CTNNA2: variants seen among roughly 807,000 people sequenced by gnomAD.
The protein encoded by CTNNA2 is catenin alpha 2.
In CTNNA2, 42 loss-of-function variants were observed where a neutral mutation model predicts 101.0. That is an observed-to-expected ratio of 0.42 (90% CI 0.32 to 0.54). CTNNA2 has a LOEUF of 0.54. Ranked by LOEUF, CTNNA2 falls within the 20% of genes least tolerant of loss-of-function variation. The pLI is 0.14. For missense variants in CTNNA2, 871 were observed against 1,223.1 expected, an observed-to-expected ratio of 0.71 and a Z score of 4.29; for synonymous variants, 450 against 456.4, an observed-to-expected ratio of 0.99 and a Z score of 0.18.
intron 3 of CTNNA2, among the ~76,000 whole-genome samples, chr2:79,335,956 A>G (rs1269512273): frequency 2.0e-5 from 3 of 152,224 alleles, no homozygotes; most frequent in Admixed American, 6.5e-5. Flanking sequence ...GACATTAAAC[A>G]ATGAACGAGA....
At chr2:80,241,574 C>T (rs2149091616) in intron 7 of CTNNA2, among the ~76,000 whole-genome samples, 1 of 143,678 alleles carries the variant, frequency 7.0e-6, no homozygotes, top group Non-Finnish European at 1.5e-5. Flanking sequence ...ATCTATCTAT[C>T]AATGCATCTA....
intron 3 of CTNNA2, among the ~76,000 whole-genome samples, chr2:79,367,879 G>T (rs1677784109): frequency 6.6e-6 from 1 of 152,090 alleles, no homozygotes; most frequent in Non-Finnish European, 1.5e-5. Flanking sequence ...ATTATAATCT[G>T]CAGTCTATAG....
At chr2:79,652,544 A>C (rs1257242099) in intron 2 of CTNNA2, among the ~76,000 whole-genome samples, 2 of 152,068 alleles carry the variant, frequency 1.3e-5, no homozygotes, top group East Asian at 3.9e-4. Context: ...TTGTCCTTGC[A>C]TCCCATCTCT....
intron 7 of CTNNA2, among the ~76,000 whole-genome samples, chr2:80,140,196 A>G (rs1269378907): frequency 6.6e-6 from 1 of 152,224 alleles, no homozygotes; most frequent in African/African-American, 2.4e-5. Flanking sequence ...TGTTAAAAGT[A>G]CCCAATTTGA....
intron 7 of CTNNA2, among the ~76,000 whole-genome samples, chr2:80,249,783 T>C (rs1671610519): frequency 6.6e-6 from 1 of 152,218 alleles, no homozygotes; most frequent in South Asian, 2.1e-4. Context: ...TAGCCTGCTT[T>C]ATTTCACTAA....
chr2:79,539,637 A>G (rs965251032), intron 1 of CTNNA2, among the ~76,000 whole-genome samples: 3 of 151,946 alleles, frequency 2.0e-5, no homozygotes, highest in Admixed American at 2.0e-4. Context: ...TGCTACTTTT[A>G]CCCCCAGCTG....
At chr2:79,430,192 T>C (rs975067414) in intron 4 of CTNNA2, among the ~76,000 whole-genome samples, 1 of 152,090 alleles carries the variant, frequency 6.6e-6, no homozygotes, top group Non-Finnish European at 1.5e-5. Flanking sequence ...TGAGTGATGA[T>C]CATTTGAACT....
intron 2 of CTNNA2, among the ~76,000 whole-genome samples, chr2:79,706,090 T>C (rs1239579330): frequency 6.6e-6 from 1 of 151,914 alleles, no homozygotes. Flanking sequence ...GTGGGCCAGG[T>C]GCGGTGGCTT....
At chr2:80,465,339 C>T (rs1050527825) in intron 9 of CTNNA2, among the ~76,000 whole-genome samples, 1 of 152,116 alleles carries the variant, frequency 6.6e-6, no homozygotes, top group Non-Finnish European at 1.5e-5. Flanking sequence ...ATATTTATTC[C>T]ATTGTCCAAG....
At chr2:79,836,712 A>C (rs1485557637) in intron 3 of CTNNA2, among the ~76,000 whole-genome samples, 1 of 151,232 alleles carries the variant, frequency 6.6e-6, no homozygotes, top group Admixed American at 6.6e-5. Context: ...TTCATCTCTG[A>C]CTCTGTTGTC....
intron 6 of CTNNA2, among the ~76,000 whole-genome samples, chr2:79,907,987 A>G (rs1415751963): frequency 6.6e-6 from 1 of 152,218 alleles, no homozygotes; most frequent in Non-Finnish European, 1.5e-5. Context: ...AACAGGAATC[A>G]GAGAATTGGA....
intron 1 of CTNNA2, among the ~76,000 whole-genome samples, chr2:79,533,440 G>C (rs1037143601): frequency 1.3e-5 from 2 of 152,032 alleles, no homozygotes; most frequent in Non-Finnish European, 2.9e-5. Flanking sequence ...GTTTTGGTAT[G>C]TTTGGAAATA....
chr2:79,503,497 C>T (rs982133936), intron 4 of CTNNA2, among the ~76,000 whole-genome samples: 2 of 152,118 alleles, frequency 1.3e-5, no homozygotes, highest in African/African-American at 2.4e-5. Context: ...ACACAATTCC[C>T]TGATCTTACT....
chr2:79,262,035 T>C (rs1370817017), intron 2 of CTNNA2, among the ~76,000 whole-genome samples: 1 of 152,204 alleles, frequency 6.6e-6, no homozygotes, highest in Non-Finnish European at 1.5e-5. Context: ...GGTCTGGGCA[T>C]ATTAATTCTT....
At chr2:80,340,056 G>A (rs1672095396) in intron 7 of CTNNA2, among the ~76,000 whole-genome samples, 2 of 152,180 alleles carry the variant, frequency 1.3e-5, no homozygotes, top group Non-Finnish European at 2.9e-5. Flanking sequence ...AGTAATTGCA[G>A]AGAAAATAAA....
chr2:80,190,513 G>A (rs756418452), intron 7 of CTNNA2, among the ~76,000 whole-genome samples: 10 of 152,132 alleles, frequency 6.6e-5, no homozygotes, highest in East Asian at 3.9e-4. Context: ...AGGATGGGCC[G>A]GGGGTTCAGA....
At chr2:79,794,686 T>G (rs1675559125) in intron 3 of CTNNA2, among the ~76,000 whole-genome samples, 1 of 152,226 alleles carries the variant, frequency 6.6e-6, no homozygotes, top group South Asian at 2.1e-4. Flanking sequence ...TTACTTATCT[T>G]GAATAACTGA....
At chr2:80,215,963 A>G (rs111655980) in intron 7 of CTNNA2, among the ~76,000 whole-genome samples, 4,467 of 152,256 alleles carry the variant, frequency 0.029, 232 homozygotes, top group African/African-American at 0.1. Flanking sequence ...CAGCAATGGC[A>G]GACACCCCTC....
At chr2:79,545,039 T>C (rs902080683) in intron 1 of CTNNA2, among the ~76,000 whole-genome samples, 3 of 151,944 alleles carry the variant, frequency 2.0e-5, no homozygotes, top group African/African-American at 7.3e-5. Flanking sequence ...TTTTTCACAG[T>C]TCCAAATATC....
Sources: gnomAD v4.1 joint callset for allele counts (sites outside exome capture counted in the v4.1 genomes callset) on GRCh38, gnomAD v4.1.1 for gene constraint, MANE v1.5 for transcripts, NCBI Gene and HGNC (gene_info 2026-07-23, HGNC 2026-07-21) for gene names.